Variants in PCLO observed in about 807,000 individuals in gnomAD.
PCLO encodes the protein piccolo presynaptic cytomatrix protein.
Under a neutral mutation model 427.5 loss-of-function variants are expected in PCLO, and 82 were observed. The observed-to-expected ratio is 0.19, with a 90% CI of 0.16 to 0.23. The LOEUF is 0.23. Among genes scored for constraint, PCLO ranks in the 10% least tolerant of loss-of-function variants. The pLI is 1.00. For synonymous variants in PCLO, 2,357 were observed against 2,155.4 expected (o/e 1.09, Z -2.59); for missense variants, 6,239 against 6,115.9 (o/e 1.02, Z -0.67).
At position 82,809,755 on chromosome 7, in the gene PCLO, T is replaced by A. The variant is rs1317556235; in HGVS notation, c.14792-3926A>T. Among the ~76,000 whole-genome samples, 7 of 151,780 alleles carry A rather than the reference T, an allele frequency of 4.6e-5. No individual in the cohort carries two copies. In the East Asian group the frequency reaches 1.4e-3, roughly 29 times the overall value. On this transcript the variant is annotated intron_variant, in intron 20 of 24. Transcript: ENST00000333891. ...AAGTCCACTTGATATGGAAGCTTTT[T>A]TTCCATGTTCTTTGTCAAAGAAACT...
chr7:82,978,642 ATT>A (rs1277099707), intron 3 of PCLO, among the ~76,000 whole-genome samples: 3 of 152,276 alleles, frequency 2.0e-5, no homozygotes, highest in Admixed American at 6.5e-5. Flanking sequence ...ATACATACAT[ATT>A]CATGTCTACA....
intron 6 of PCLO, among the ~76,000 whole-genome samples, chr7:82,917,620 GA>G (rs1233742405): frequency 6.6e-6 from 1 of 151,982 alleles, no homozygotes; most frequent in African/African-American, 2.4e-5. Flanking sequence ...GATATCAAAA[GA>G]CATGAGAGAT....
rs1321563322 is a variant in PCLO at position 82,949,730 on chromosome 7, G to T, written c.10858C>A (p.Pro3620Thr). The T allele has an allele frequency of 1.2e-6, 2 of 1,613,716 alleles. No individual in the cohort carries two copies. The highest frequency in any genetic ancestry group is 1.7e-6 in the Non-Finnish European group (2 of 1,179,858). Residue 3620 changes from proline (P) to threonine (T), a missense_variant, in exon 6 of 25, where the codon CCC becomes ACC. This residue lies in a region of PCLO where 4,677 missense variants were observed against 4,468.4 expected (regional missense o/e 1.05). Transcript: ENST00000333891. ...VQLAPSPPKSPKVLYSPISPL... is the reference protein window; with the variant it reads ...VQLAPSPPKSTKVLYSPISPL... ...GAGATGGGTGAGTAAAGGACTTTGG[G>T]GGATTTGGGTGGGGAAGGAGCCAGC...
In PCLO at chr7:82,915,010, C is replaced by T; in HGVS notation, c.12976G>A (p.Val4326Ile). ...LKAQEAEALD[V>I]SFSHASSSAR... ...GAGGATGATGCATGACTAAAGGAAA[C>T]ATCTAGAGCTTCAGCCTCTTGAGCT... Residue 4326 changes from valine (V) to isoleucine (I), a missense_variant, in exon 7 of 25, where the codon GTT becomes ATT. Around this residue, in one of 5 missense-constraint regions of PCLO, gnomAD observed 680 missense variants for 677.3 expected, o/e 1.00. Coordinates refer to ENST00000333891, the MANE Select transcript of PCLO (RefSeq NM_033026.6). 6.2e-7 allele frequency: 1 copy of T among 1,613,626 alleles called. No homozygotes were observed. The highest frequency in any genetic ancestry group is 8.5e-7 in the Non-Finnish European group (1 of 1,179,726).
chr7:83,096,049 T>A (rs1349290428), intron 3 of PCLO, among the ~76,000 whole-genome samples: 2 of 45,328 alleles, frequency 4.4e-5, no homozygotes, highest in East Asian at 2.2e-3. Context: ...TTTTTGAAAA[T>A]TAATGTTATC....
intron 3 of PCLO, among the ~76,000 whole-genome samples, chr7:83,107,965 G>A (rs555166236): frequency 9.2e-5 from 13 of 141,860 alleles, no homozygotes; most frequent in Non-Finnish European, 1.5e-4. Context: ...CTCCAGCCAG[G>A]TGACAGAGTG....
Position 82,956,016 on chromosome 7 carries a change from C to T in PCLO, c.4937G>A (p.Arg1646Lys). 6.2e-7 allele frequency: 1 copy of T among 1,613,262 alleles called. No homozygotes were observed. Among genetic ancestry groups the T allele is most frequent in the Non-Finnish European group, 8.5e-7 (1 of 1,179,854 alleles). ...AFDESPELKY[R>K]ETKSQESEEL... The stretch of plus-strand genomic sequence containing the variant: ...TTCACTTTCCTGACTTTTAGTTTCT[C>T]TGTATTTAAGTTCAGGACTTTCATC... The change falls in exon 5 of 25, where the codon AGA becomes AAA. Residue 1646 changes from arginine (R) to lysine (K), a missense_variant. This residue lies in a region of PCLO where 4,677 missense variants were observed against 4,468.4 expected (regional missense o/e 1.05). Transcript: ENST00000333891.
chr7:82,913,004 C>T (rs953722535), intron 7 of PCLO, among the ~76,000 whole-genome samples: 1 of 151,888 alleles, frequency 6.6e-6, no homozygotes, highest in Non-Finnish European at 1.5e-5. Flanking sequence ...TTGTCATTTT[C>T]TATCTATAAA....
At position 82,965,982 on chromosome 7, in the gene PCLO, A is replaced by G. The variant is rs1433106744; in HGVS notation, c.3806T>C (p.Val1269Ala). The G allele has an allele frequency of 1.9e-6, 3 of 1,613,544 alleles. No homozygotes were observed. The highest frequency in any genetic ancestry group is 2.2e-5 in the East Asian group (1 of 44,880). ...EQKHDLLKSQVQIAEEKLEGR... is the reference protein window; with the variant it reads ...EQKHDLLKSQAQIAEEKLEGR... ...TTCAAGCTTTTCTTCAGCAATTTGT[A>G]CTTGAGATTTAAGTAAGTCATGTTT... The change falls in exon 4 of 25, where the codon GTA (valine) becomes GCA (alanine). Residue 1269 changes from valine to alanine, a missense_variant. Around this residue, in one of 5 missense-constraint regions of PCLO, gnomAD observed 4,677 missense variants for 4,468.4 expected, o/e 1.05. Coordinates refer to ENST00000333891, the MANE Select transcript of PCLO (RefSeq NM_033026.6).
chr7:83,144,379 C>T (rs1791940447), intron 2 of PCLO, among the ~76,000 whole-genome samples: 1 of 64,968 alleles, frequency 1.5e-5, no homozygotes, highest in South Asian at 1.1e-3. Context: ...TGAGATCACA[C>T]CATTGCACTC....
At chr7:83,110,662 G>C (rs373701575) in intron 3 of PCLO, among the ~76,000 whole-genome samples, 3 of 152,094 alleles carry the variant, frequency 2.0e-5, no homozygotes, top group Non-Finnish European at 4.4e-5. Flanking sequence ...TTAGACTTGA[G>C]TAATCTAACT....
rs185089554 is a variant in PCLO at position 82,963,779 on chromosome 7, T to C, written c.4017+1992A>G. 1.7e-4 allele frequency among the ~76,000 whole-genome samples: 26 copies of C among 152,268 alleles called. 1 individual carries two copies. The highest frequency in any genetic ancestry group is 1.6e-3 in the Admixed American group (24 of 15,288). ...TAATAACAATGGTAATTTTAGTTTA[T>C]GTCACTGAGTTATTCTCTATTCTTT... On this transcript the variant is annotated intron_variant, in intron 4 of 24. Coordinates refer to ENST00000333891, the MANE Select transcript of PCLO (RefSeq NM_033026.6).
At chr7:82,932,627 T>A (rs1422213048) in intron 6 of PCLO, among the ~76,000 whole-genome samples, 1 of 151,998 alleles carries the variant, frequency 6.6e-6, no homozygotes, top group African/African-American at 2.4e-5. Flanking sequence ...TTTAAGAAAG[T>A]GAAGAAACAG....
At chr7:83,092,455 A>G (rs58508017) in intron 3 of PCLO, among the ~76,000 whole-genome samples, 3,386 of 152,164 alleles carry the variant, frequency 0.022, 69 homozygotes, top group Non-Finnish European at 0.03. Flanking sequence ...TCAAACATAG[A>G]ATTTATCTAC....
At chr7:82,871,168 T>A (rs2115989066) in intron 10 of PCLO, among the ~76,000 whole-genome samples, 1 of 152,136 alleles carries the variant, frequency 6.6e-6, no homozygotes, top group Admixed American at 6.6e-5. Flanking sequence ...CCATGTCTAT[T>A]ACAGCACTAT....
chr7:82,962,770 T>C (rs1795681646), intron 4 of PCLO, among the ~76,000 whole-genome samples: 3 of 152,008 alleles, frequency 2.0e-5, no homozygotes, highest in Non-Finnish European at 4.4e-5. Context: ...GAGATGGCAG[T>C]ACATGTGAAA....
rs369627088 is a variant in PCLO at position 82,952,092 on chromosome 7, G to T, written c.8861C>A (p.Thr2954Lys). The T allele has an allele frequency of 3.1e-6, 5 of 1,613,976 alleles. No homozygotes were observed. In the East Asian group the frequency reaches 1.1e-4, roughly 36 times the overall value. The stretch of plus-strand genomic sequence containing the variant: ...AAGAGTAGTTGCAGGCTGCTGTGCT[G>T]TGCAGCTCCTTCCAAATGGTAATTT... The part of the protein sequence containing the change: ...VYKLPFGRSC[T>K]AQQPATTLPE... Residue 2954 changes from threonine (T) to lysine (K), a missense_variant, in exon 5 of 25, where the codon ACA becomes AAA. Coordinates refer to ENST00000333891, the MANE Select transcript of PCLO (RefSeq NM_033026.6).
intron 3 of PCLO, among the ~76,000 whole-genome samples, chr7:83,126,950 T>C (rs1791452749): frequency 6.6e-6 from 1 of 152,156 alleles, no homozygotes; most frequent in African/African-American, 2.4e-5. Flanking sequence ...TTATTATCAA[T>C]ATTTAACAAA....
chr7:83,016,392 A>T (rs1196343355), intron 3 of PCLO, among the ~76,000 whole-genome samples: 1 of 152,176 alleles, frequency 6.6e-6, no homozygotes, highest in Non-Finnish European at 1.5e-5. Context: ...AACAAAGAAT[A>T]AAGAGGGTCG....
Sources: allele counts gnomAD v4.1 joint callset (sites outside exome capture counted in the v4.1 genomes callset), GRCh38; gene constraint gnomAD v4.1.1; regional missense constraint gnomAD v4.1.1; transcripts MANE v1.5; gene names NCBI Gene and HGNC (gene_info 2026-07-23, HGNC 2026-07-21).